The following WWOX variants were observed in gnomAD, a reference collection of about 807,000 sequenced individuals.
The protein encoded by WWOX is WW domain-containing oxidoreductase.
WWOX carries 69 observed loss-of-function variants against 46.2 expected under a neutral mutation model. That is an observed-to-expected ratio of 1.49 (90% CI 1.23 to 1.82). WWOX has a LOEUF of 1.82. Among genes scored for constraint, WWOX ranks in the 40% most tolerant of loss-of-function variants. The pLI is 0.00. For missense variants in WWOX, 919 were observed against 542.6 expected, an observed-to-expected ratio of 1.69 and a Z score of -6.89; for synonymous variants, 359 against 202.6, an observed-to-expected ratio of 1.77 and a Z score of -6.56.
intron 8 of WWOX, among the ~76,000 whole-genome samples, chr16:78,778,966 C>G (rs2050259284): frequency 6.6e-6 from 1 of 152,166 alleles, no homozygotes; most frequent in South Asian, 2.1e-4. Flanking sequence ...TTGATTCACT[C>G]CAAATGCTGC....
intron 6 of WWOX, among the ~76,000 whole-genome samples, chr16:78,387,517 T>G (rs2082085232): frequency 6.6e-6 from 1 of 152,126 alleles, no homozygotes; most frequent in African/African-American, 2.4e-5. Flanking sequence ...CCTAGCATAT[T>G]TTGATCCTAT....
intron 8 of WWOX, among the ~76,000 whole-genome samples, chr16:78,753,817 AAAAAAAAAATATATATATATATAT>A (rs1447982057): frequency 2.6e-5 from 2 of 76,972 alleles, no homozygotes; most frequent in African/African-American, 9.4e-5. Flanking sequence ...AAAAAAAAAA[AAAAAAAAAATATATATATATATAT>A]ATATATATAT....
chr16:78,171,759 T>A (rs2035168934), intron 5 of WWOX, among the ~76,000 whole-genome samples: 2 of 152,188 alleles, frequency 1.3e-5, no homozygotes, highest in South Asian at 4.1e-4. Context: ...TTTCAATAAA[T>A]AAAGGATGAT....
chr16:78,530,207 T>C (rs945700105), intron 8 of WWOX, among the ~76,000 whole-genome samples: 1 of 151,810 alleles, frequency 6.6e-6, no homozygotes, highest in Non-Finnish European at 1.5e-5. Flanking sequence ...CTAAAAGGAG[T>C]GTTACAGTCA....
At chr16:78,442,178 T>A (rs1169405426) in intron 8 of WWOX, among the ~76,000 whole-genome samples, 1 of 152,038 alleles carries the variant, frequency 6.6e-6, no homozygotes, top group Admixed American at 6.6e-5. Context: ...GTGTGAAATG[T>A]GATGTTTTGA....
At chr16:78,951,831 C>T (rs1222770940) in intron 8 of WWOX, among the ~76,000 whole-genome samples, 1 of 152,122 alleles carries the variant, frequency 6.6e-6, no homozygotes, top group African/African-American at 2.4e-5. Context: ...GAGTAAGAGG[C>T]AGTTCCTGGC....
At chr16:78,640,936 C>G (rs953595995) in intron 8 of WWOX, among the ~76,000 whole-genome samples, 1 of 38,148 alleles carries the variant, frequency 2.6e-5, no homozygotes, top group East Asian at 5.2e-4. Context: ...GAGATTCTGT[C>G]TTCAAAAAAA....
chr16:78,455,107 G>T (rs562544012), intron 8 of WWOX, among the ~76,000 whole-genome samples: 11 of 152,184 alleles, frequency 7.2e-5, no homozygotes, highest in Non-Finnish European at 1.3e-4. Context: ...AGCAGCACTG[G>T]GATGTGTGGC....
At chr16:78,938,098 C>T (rs78484570) in intron 8 of WWOX, among the ~76,000 whole-genome samples, 1 of 152,154 alleles carries the variant, frequency 6.6e-6, no homozygotes, top group Non-Finnish European at 1.5e-5. Context: ...ACCACTCAGA[C>T]CCTGTGATTT....
intron 8 of WWOX, among the ~76,000 whole-genome samples, chr16:78,672,923 G>A (rs895198930): frequency 7.9e-5 from 12 of 152,188 alleles, no homozygotes; most frequent in Admixed American, 2.6e-4. Flanking sequence ...TTCCTCCTTC[G>A]TCTCTCTGGC....
At chr16:79,181,376 ATTG>A (rs1222699986) in intron 8 of WWOX, among the ~76,000 whole-genome samples, 1 of 152,102 alleles carries the variant, frequency 6.6e-6, no homozygotes, top group East Asian at 1.9e-4. Flanking sequence ...TTTTGATATT[ATTG>A]TTGTTTTAGC....
At chr16:78,626,948 C>T (rs539744305) in intron 8 of WWOX, among the ~76,000 whole-genome samples, 2 of 152,208 alleles carry the variant, frequency 1.3e-5, no homozygotes, top group South Asian at 4.2e-4. Flanking sequence ...CTCCTGTGTT[C>T]TTGTGATGTA....
intron 8 of WWOX, among the ~76,000 whole-genome samples, chr16:78,974,613 C>T (rs768011152): frequency 1.3e-5 from 2 of 152,144 alleles, no homozygotes; most frequent in Non-Finnish European, 2.9e-5. Flanking sequence ...TAGCACAAAC[C>T]TAAATATTAC....
chr16:78,839,686 G>C (rs1242711256), intron 8 of WWOX, among the ~76,000 whole-genome samples: 3 of 152,122 alleles, frequency 2.0e-5, no homozygotes, highest in East Asian at 3.9e-4. Flanking sequence ...GGTTAGGCTG[G>C]AGGGCATATC....
At chr16:78,101,757 C>T (rs1350874366) in intron 1 of WWOX, among the ~76,000 whole-genome samples, 2 of 152,134 alleles carry the variant, frequency 1.3e-5, no homozygotes, top group Non-Finnish European at 2.9e-5. Flanking sequence ...GAAAAACAAC[C>T]AAGTTCTGAT....
chr16:79,036,482 C>G (rs1461154144), intron 8 of WWOX, among the ~76,000 whole-genome samples: 1 of 152,218 alleles, frequency 6.6e-6, no homozygotes, highest in African/African-American at 2.4e-5. Context: ...TTGACAAACC[C>G]TCCTATGGTG....
At position 78,989,821 on chromosome 16, in the gene WWOX, CGTGT is replaced by C. The variant is rs71384389; in HGVS notation, c.1057-221755_1057-221752del. Among the ~76,000 whole-genome samples, 297 of 136,502 alleles carry C rather than the reference CGTGT, an allele frequency of 2.2e-3. 1 individual carries two copies. The highest frequency in any genetic ancestry group is 4.3e-3 in the South Asian group (17 of 3,988). The allele number at this position is 136,502 out of a possible 152,430, so 89.6% of individuals were successfully genotyped here. A position where few individuals can be genotyped will look rare whatever the true frequency, so the allele number is the denominator to read the frequency against. ...AAGTGAGACAGAGGTGGTGTGTGAG[CGTGT>C]GTGTGTGTGTGTGTGTGTGTGTGTG... On this transcript the variant is annotated intron_variant, in intron 8 of 8. Coordinates refer to ENST00000566780, the MANE Select transcript of WWOX (RefSeq NM_016373.4).
intron 8 of WWOX, among the ~76,000 whole-genome samples, chr16:78,845,002 C>G (rs1045086070): frequency 1.3e-5 from 2 of 152,202 alleles, no homozygotes; most frequent in Non-Finnish European, 2.9e-5. Flanking sequence ...AAGGCTGTCT[C>G]CAACCATGCG....
At chr16:78,819,466 C>A (rs1237407033) in intron 8 of WWOX, among the ~76,000 whole-genome samples, 1 of 152,178 alleles carries the variant, frequency 6.6e-6, no homozygotes, top group Non-Finnish European at 1.5e-5. Flanking sequence ...TGGAAGTTAC[C>A]ACCCTTTTTC....
Sources: gnomAD v4.1 joint callset for allele counts (sites outside exome capture counted in the v4.1 genomes callset) on GRCh38, gnomAD v4.1.1 for gene constraint, MANE v1.5 for transcripts, NCBI Gene and HGNC (gene_info 2026-07-23, HGNC 2026-07-21) for gene names.